TYW1: variants seen among roughly 807,000 people sequenced by gnomAD.
The protein encoded by TYW1 is S-adenosyl-L-methionine-dependent tRNA 4-demethylwyosine synthase TYW1.
Under a neutral mutation model 96.2 loss-of-function variants are expected in TYW1, and 46 were observed. That is an observed-to-expected ratio of 0.48 (90% CI 0.38 to 0.61). The LOEUF (loss-of-function observed/expected upper bound fraction) is 0.61. TYW1 is among the 20% of genes least tolerant of loss of function. The pLI is 0.00. For synonymous variants in TYW1, 274 were observed against 323.0 expected, an observed-to-expected ratio of 0.85 and a Z score of 1.63; for missense variants, 684 against 909.6, an observed-to-expected ratio of 0.75 and a Z score of 3.19.
intron 12 of TYW1, among the ~76,000 whole-genome samples, chr7:67,103,441 G>A (rs1394909429): frequency 2.6e-5 from 4 of 152,084 alleles, no homozygotes; most frequent in Non-Finnish European, 5.9e-5. Flanking sequence ...ATATTATGAC[G>A]TGTCATAAAA....
chr7:67,054,871 C>T (rs1795460588), intron 8 of TYW1, among the ~76,000 whole-genome samples: 1 of 152,130 alleles, frequency 6.6e-6, no homozygotes, highest in African/African-American at 2.4e-5. Context: ...TGGCTTTTTC[C>T]ATGCTTTTCA....
At chr7:67,225,256 T>TCAATC (rs1482179726) in intron 15 of TYW1, among the ~76,000 whole-genome samples, 3 of 151,038 alleles carry the variant, frequency 2.0e-5, no homozygotes, top group African/African-American at 7.3e-5. Flanking sequence ...CGACTAGAAT[T>TCAATC]CAATCCCAAG....
intron 15 of TYW1, among the ~76,000 whole-genome samples, chr7:67,208,130 C>T (rs1364382299): frequency 6.6e-6 from 1 of 151,602 alleles, no homozygotes; most frequent in Non-Finnish European, 1.5e-5. Flanking sequence ...GAGTTTGAGA[C>T]TAGCCTGGGC....
At chr7:67,230,907 T>C (rs1292385087) in intron 15 of TYW1, among the ~76,000 whole-genome samples, 1 of 152,108 alleles carries the variant, frequency 6.6e-6, no homozygotes, top group Non-Finnish European at 1.5e-5. Flanking sequence ...CCCAAAGTGC[T>C]GGGATTACAG....
intron 13 of TYW1, among the ~76,000 whole-genome samples, chr7:67,133,247 C>G (rs546648618): frequency 7.2e-6 from 1 of 138,158 alleles, no homozygotes; most frequent in African/African-American, 3.0e-5. Context: ...AGTGATCTTC[C>G]CACCTCAGTC....
chr7:67,178,953 A>C (rs917971513), intron 13 of TYW1, among the ~76,000 whole-genome samples: 1 of 138,470 alleles, frequency 7.2e-6, no homozygotes, highest in Non-Finnish European at 1.6e-5. Flanking sequence ...GTTGCATGAC[A>C]GGTGAGCCCC....
intron 1 of TYW1, 22 bp from the exon 2 acceptor site, chr7:66,998,043 G>A (rs1185363081): frequency 6.4e-7 from 1 of 1,569,758 alleles, no homozygotes. Flanking sequence ...AAATGAAATT[G>A]TGTGTGTCAT....
At chr7:67,207,449 G>T (rs1166032879) in intron 15 of TYW1, among the ~76,000 whole-genome samples, 1 of 152,088 alleles carries the variant, frequency 6.6e-6, no homozygotes, top group East Asian at 1.9e-4. Flanking sequence ...TGTCATCAGT[G>T]ACCTGCTAAT....
At chr7:67,115,240 CTTT>C (rs61078524) in intron 12 of TYW1, among the ~76,000 whole-genome samples, 36,296 of 134,530 alleles carry the variant, frequency 0.27, 4,811 homozygotes, top group African/African-American at 0.37. Context: ...TAAGACAGTC[CTTT>C]TTTTTTTTTT....
intron 14 of TYW1, among the ~76,000 whole-genome samples, chr7:67,188,869 C>T (rs1254519929): frequency 2.0e-5 from 3 of 152,074 alleles, no homozygotes; most frequent in Non-Finnish European, 2.9e-5. Flanking sequence ...GCTGTTCATA[C>T]CCTTTGTATT....
At chr7:67,102,066 G>T (rs1308958086) in intron 12 of TYW1, among the ~76,000 whole-genome samples, 1 of 152,062 alleles carries the variant, frequency 6.6e-6, no homozygotes, top group Non-Finnish European at 1.5e-5. Context: ...GGTGTTTGGG[G>T]TATATGCATA....
chr7:67,110,904 C>G (rs1046638819), intron 12 of TYW1, among the ~76,000 whole-genome samples: 4 of 152,092 alleles, frequency 2.6e-5, no homozygotes, highest in Admixed American at 2.0e-4. Flanking sequence ...ACTGAGGATG[C>G]TGAGTTGGGA....
At chr7:67,163,708 G>A (rs1223309004) in intron 13 of TYW1, among the ~76,000 whole-genome samples, 9 of 149,050 alleles carry the variant, frequency 6.0e-5, no homozygotes, top group East Asian at 3.9e-4. Context: ...TTGCTCTGTC[G>A]CTCAGGCTGG....
chr7:67,051,252 A>G (rs751654179), intron 8 of TYW1, among the ~76,000 whole-genome samples: 1 of 152,140 alleles, frequency 6.6e-6, no homozygotes, highest in Non-Finnish European at 1.5e-5. Flanking sequence ...TTACAGTACT[A>G]TACTTCCATT....
chr7:67,192,641 A>C (rs1800257090), intron 14 of TYW1, among the ~76,000 whole-genome samples: 1 of 152,158 alleles, frequency 6.6e-6, no homozygotes, highest in Admixed American at 6.5e-5. Flanking sequence ...TTTCGTAATG[A>C]TGTCTTGAAC....
chr7:67,081,822 C>CT lies in TYW1; in HGVS notation c.1275-1600dup, dbSNP rs890136602. Among the ~76,000 whole-genome samples the CT allele has an allele frequency of 9.1e-5, 13 of 142,128 alleles. No homozygotes were observed. In the East Asian group the frequency reaches 1.0e-3, roughly 11 times the overall value. 93.2% of individuals were successfully genotyped at this position (142,128 alleles called of 152,430 possible). A position where few individuals can be genotyped will look rare whatever the true frequency, so the allele number is the denominator to read the frequency against. ...TTTTATTCTTTCTTCTTCTTCCTTC[C>CT]TTTTTTTTGGTCTGACTGGGTCATT... On this transcript the variant is annotated intron_variant, in intron 10 of 15. Transcript: ENST00000359626.
At chr7:67,192,906 G>A (rs1205139259) in intron 14 of TYW1, among the ~76,000 whole-genome samples, 1 of 152,174 alleles carries the variant, frequency 6.6e-6, no homozygotes, top group African/African-American at 2.4e-5. Context: ...GGAAGGAAAG[G>A]GGAGATCTGG....
At chr7:67,166,241 C>A (rs1379810326) in intron 13 of TYW1, among the ~76,000 whole-genome samples, 2 of 138,898 alleles carry the variant, frequency 1.4e-5, no homozygotes, top group Non-Finnish European at 3.1e-5. Flanking sequence ...TGTGACAGAG[C>A]GTGAACCTCT....
chr7:67,193,027 T>C (rs903861040), intron 14 of TYW1, among the ~76,000 whole-genome samples: 3 of 152,242 alleles, frequency 2.0e-5, no homozygotes, highest in Non-Finnish European at 4.4e-5. Context: ...GGCTGTGATG[T>C]CAGCAAGCTC....
Sources: allele counts gnomAD v4.1 joint callset (sites outside exome capture counted in the v4.1 genomes callset), GRCh38; gene constraint gnomAD v4.1.1; transcripts MANE v1.5; gene names NCBI Gene and HGNC (gene_info 2026-07-23, HGNC 2026-07-21).